SYNE2: variants seen among roughly 807,000 people sequenced by gnomAD.
SYNE2 encodes nesprin-2.
Under a neutral mutation model 856.3 loss-of-function variants are expected in SYNE2, and 431 were observed. The ratio of observed to expected loss-of-function variants is 0.50; its 90% CI spans 0.47 to 0.55. The LOEUF is 0.55. SYNE2 is among the 20% of genes least tolerant of loss of function. The pLI, the probability that SYNE2 is intolerant of heterozygous loss-of-function variation, is 0.00. For missense variants in SYNE2, 8,129 were observed against 8,023.2 expected (o/e 1.01, Z -0.50); for synonymous variants, 2,923 against 2,872.3 (o/e 1.02, Z -0.56).
At position 64,076,118 on chromosome 14, in the gene SYNE2, A is replaced by G. The variant is rs779958994; in HGVS notation, c.11022+18A>G. On this transcript the variant is annotated intron_variant, in intron 54 of 115. Coordinates refer to ENST00000555002, the MANE Select transcript of SYNE2 (RefSeq NM_182914.3). ...ATGAGAAGGTAATAATAATGTCTGT[A>G]CTACTGTTATTATTTACGGAGCTGA... 3.1e-6 allele frequency: 5 copies of G among 1,611,442 alleles called. No homozygotes were observed. In the Admixed American group the frequency reaches 5.0e-5, roughly 16 times the overall value.
rs773997738 is a variant in SYNE2, at chr14:63,978,854, TCAA to T, written c.1415_1417del (p.Asn472del). The stretch of plus-strand genomic sequence containing the variant: ...CCAAAACCTGCACTGTTTTCCAGAA[TCAA>T]CAACATTTTGGAGAAAAAATTTATT... On this transcript the variant is annotated inframe_deletion, in exon 14 of 116. Coordinates refer to ENST00000555002, the MANE Select transcript of SYNE2 (RefSeq NM_182914.3). 5 of 1,611,814 alleles carry T rather than the reference TCAA, an allele frequency of 3.1e-6. No homozygotes were observed. The highest frequency in any genetic ancestry group is 4.5e-5 in the East Asian group (2 of 44,770).
chr14:63,883,908 G>T (rs1275836215), intron 1 of SYNE2, among the ~76,000 whole-genome samples: 2 of 146,022 alleles, frequency 1.4e-5, no homozygotes, highest in South Asian at 2.2e-4. Context: ...AGTTGGGGAA[G>T]TGTGAACTCC....
At chr14:64,140,125 A>C in intron 80 of SYNE2, 52 bp downstream of exon 80, 4 of 1,563,726 alleles carry the variant, frequency 2.6e-6, no homozygotes, top group Non-Finnish European at 3.5e-6. Flanking sequence ...AATAAATATC[A>C]AGGAAAAAGC....
At chr14:64,125,853 C>T (rs2097940137) in intron 71 of SYNE2, among the ~76,000 whole-genome samples, 1 of 152,172 alleles carries the variant, frequency 6.6e-6, no homozygotes, top group African/African-American at 2.4e-5. Flanking sequence ...TCCTCTGCAG[C>T]CTGCTCCTGT....
rs1212653484 is a variant in SYNE2 at position 63,982,774 on chromosome 14, T to C, written c.1981T>C (p.Leu661=). 6.2e-7 allele frequency: 1 copy of C among 1,613,928 alleles called. No homozygotes were observed. Residue 661 remains leucine (L), a synonymous_variant, in exon 17 of 116, where the codon TTG becomes CTG. Transcript: ENST00000555002. ...LRRLNKRWRK[L]VSKTQLEMNL... ...AAGGCTGAATAAAAGATGGAGAAAG[T>C]TGGTTTCAAAAACTCAACTTGTAAG... is the stretch of plus-strand genomic sequence containing the variant.
chr14:64,144,872 G>A (rs759047141), intron 83 of SYNE2, among the ~76,000 whole-genome samples: 4 of 151,522 alleles, frequency 2.6e-5, no homozygotes, highest in African/African-American at 4.9e-5. Context: ...TCACTCTAGG[G>A]GAATAGTTCA....
intron 1 of SYNE2, among the ~76,000 whole-genome samples, chr14:63,844,178 A>G (rs752668834): frequency 2.1e-4 from 32 of 152,304 alleles, no homozygotes; most frequent in Non-Finnish European, 4.0e-4. Flanking sequence ...TGCTCCATCT[A>G]TTGATCCCTC....
chr14:63,897,621 G>A (rs2095273799), intron 1 of SYNE2, among the ~76,000 whole-genome samples: 1 of 152,286 alleles, frequency 6.6e-6, no homozygotes, highest in Admixed American at 6.5e-5. Flanking sequence ...GGCCAACCTT[G>A]GACCCAGCAT....
intron 56 of SYNE2, among the ~76,000 whole-genome samples, chr14:64,080,907 C>T (rs1183312315): frequency 6.6e-6 from 1 of 152,086 alleles, no homozygotes; most frequent in Non-Finnish European, 1.5e-5. Flanking sequence ...GGCTCCCCAA[C>T]AGGTGGATAA....
Position 64,010,024 on chromosome 14 carries a change from A to T in SYNE2, c.4636A>T (p.Ile1546Phe), listed in dbSNP as rs1171826488. The stretch of plus-strand genomic sequence containing the variant: ...AAAACAATATCAGAATTTTAAAAGC[A>T]TCTTGACAACTTTGATTCAAAAAGA... ...LLKQYQNFKS[I>F]LTTLIQKEES... The change falls in exon 32 of 116, where the codon ATC becomes TTC. Residue 1546 changes from isoleucine (I) to phenylalanine (F), a missense_variant. Coordinates refer to ENST00000555002, the MANE Select transcript of SYNE2 (RefSeq NM_182914.3). The T allele has an allele frequency of 6.2e-7, 1 of 1,614,118 alleles. No homozygotes were observed. Among genetic ancestry groups the T allele is most frequent in the Non-Finnish European group, 8.5e-7 (1 of 1,179,976 alleles).
intron 1 of SYNE2, among the ~76,000 whole-genome samples, chr14:63,787,520 T>C (rs1229990188): frequency 1.3e-5 from 2 of 152,206 alleles, no homozygotes; most frequent in Middle Eastern, 3.2e-3. Context: ...GAATGAGGTA[T>C]GCAGACAAGT....
At chr14:63,979,866 A>G (rs1440167280) in intron 14 of SYNE2, among the ~76,000 whole-genome samples, 2 of 152,198 alleles carry the variant, frequency 1.3e-5, no homozygotes, top group African/African-American at 4.8e-5. Context: ...GTGGCACTGC[A>G]CTGCACTCCA....
At chr14:64,076,740 ATTTTT>A (rs35509549) in intron 54 of SYNE2, among the ~76,000 whole-genome samples, 2 of 122,210 alleles carry the variant, frequency 1.6e-5, no homozygotes, top group East Asian at 2.4e-4. Context: ...CCACAGAAGG[ATTTTT>A]TTTTTTTTTT....
intron 2 of SYNE2, among the ~76,000 whole-genome samples, chr14:63,919,972 G>GTTGTTTTTTTTTTTTTTTT (rs2095577632): frequency 9.0e-6 from 1 of 110,620 alleles, no homozygotes; most frequent in East Asian, 2.6e-4. Context: ...TAAAAGGTAA[G>GTTGTTTTTTTTTTTTTTTT]TTTTTTTTTT....
intron 99 of SYNE2, among the ~76,000 whole-genome samples, chr14:64,191,508 G>T (rs1255989): frequency 3.3e-5 from 5 of 152,092 alleles, no homozygotes; most frequent in Non-Finnish European, 7.4e-5. Flanking sequence ...AGAGCAAACA[G>T]GTACAGAATA....
chr14:63,895,182 G>A (rs1034437994), intron 1 of SYNE2, among the ~76,000 whole-genome samples: 4 of 149,756 alleles, frequency 2.7e-5, no homozygotes, highest in Non-Finnish European at 5.9e-5. Flanking sequence ...TTGGCTCACT[G>A]CAACCTCCGC....
chr14:63,912,297 A>G (rs1018969326), intron 2 of SYNE2, among the ~76,000 whole-genome samples: 39 of 152,202 alleles, frequency 2.6e-4, no homozygotes, highest in Non-Finnish European at 2.8e-4. Flanking sequence ...ACACTTGTAT[A>G]TATTTCTAAA....
intron 1 of SYNE2, among the ~76,000 whole-genome samples, chr14:63,906,624 T>G (rs963393468): frequency 5.3e-5 from 8 of 152,200 alleles, no homozygotes; most frequent in Non-Finnish European, 1.2e-4. Flanking sequence ...ATCTTTTGTA[T>G]TTCTGAGGGA....
At position 64,179,393 on chromosome 14, in the gene SYNE2, G is replaced by A. The variant is rs551049735; in HGVS notation, c.17556+1910G>A. On this transcript the variant is annotated intron_variant, in intron 96 of 115. Transcript: ENST00000555002. Reference sequence around the variant, plus strand: ...GGGCCTCAAGCGATCCACCTGCCTCGGCCTCCCAAAGTGCTGGGATTACAG... The same window carrying A: ...GGGCCTCAAGCGATCCACCTGCCTCAGCCTCCCAAAGTGCTGGGATTACAG... Among the ~76,000 whole-genome samples the A allele has an allele frequency of 5.3e-5, 8 of 152,176 alleles. No individual in the cohort carries two copies. The South Asian group carries it at 6.2e-4, about 12-fold the overall frequency.
Sources: gnomAD v4.1 joint callset for allele counts (sites outside exome capture counted in the v4.1 genomes callset) on GRCh38, gnomAD v4.1.1 for gene constraint, MANE v1.5 for transcripts, NCBI Gene and HGNC (gene_info 2026-07-23, HGNC 2026-07-21) for gene names.